The following FAM184A variants were observed in gnomAD, a reference collection of about 807,000 sequenced individuals.
The protein encoded by FAM184A is family with sequence similarity 184 member A.
In FAM184A, 99 loss-of-function variants were observed where a neutral mutation model predicts 143.8. The observed-to-expected ratio is 0.69, with a 90% CI of 0.58 to 0.81. The LOEUF (loss-of-function observed/expected upper bound fraction) is 0.81. Ranked by LOEUF, FAM184A falls within the 40% of genes least tolerant of loss-of-function variation. The probability of loss-of-function intolerance (pLI) is 0.00; values close to 1 mark genes in which losing one functional copy is unlikely to be tolerated. For missense variants in FAM184A, 1,217 were observed against 1,310.5 expected, an observed-to-expected ratio of 0.93 and a Z score of 1.10; for synonymous variants, 427 against 446.4, an observed-to-expected ratio of 0.96 and a Z score of 0.55.
intron 7 of FAM184A, 112 bp from the exon 8 acceptor site, chr6:119,003,734 C>A: frequency 9.5e-7 from 1 of 1,054,188 alleles, no homozygotes; most frequent in Non-Finnish European, 1.3e-6. Context: ...ATTCTTACAG[C>A]CCAATACTTG....
At chr6:119,081,485 T>A (rs1293092197), upstream of FAM184A, among the ~76,000 whole-genome samples, 7 of 152,276 alleles carry the variant, frequency 4.6e-5, no homozygotes, top group East Asian at 1.2e-3. Flanking sequence ...TGGGCATGTG[T>A]TACAGGGTGC....
At chr6:119,019,368 G>A (rs1785368842) in intron 4 of FAM184A, among the ~76,000 whole-genome samples, 1 of 152,178 alleles carries the variant, frequency 6.6e-6, no homozygotes, top group African/African-American at 2.4e-5. Context: ...TGGTCAGAGA[G>A]GACTGCACCA....
chr6:119,034,619 T>C (rs1170266177), intron 1 of FAM184A, among the ~76,000 whole-genome samples: 2 of 151,788 alleles, frequency 1.3e-5, no homozygotes, highest in East Asian at 3.9e-4. Flanking sequence ...TTTCATCATA[T>C]TAACATTTTT....
chr6:119,021,369 T>C (rs1198936674), intron 3 of FAM184A, among the ~76,000 whole-genome samples: 3 of 152,138 alleles, frequency 2.0e-5, no homozygotes, highest in Non-Finnish European at 4.4e-5. Flanking sequence ...CCAGTAATGG[T>C]TGTGAAAAAG....
chr6:119,098,349 G>A (rs1788561522), intron 1 of FAM184A, among the ~76,000 whole-genome samples: 1 of 152,074 alleles, frequency 6.6e-6, no homozygotes, highest in Non-Finnish European at 1.5e-5. Context: ...CTTTATCAGT[G>A]GTGTGAAACA....
intron 1 of FAM184A, among the ~76,000 whole-genome samples, chr6:119,140,684 G>C (rs1214997672): frequency 6.6e-6 from 1 of 152,202 alleles, no homozygotes; most frequent in African/African-American, 2.4e-5. Context: ...GGCACCAGCA[G>C]AACAGAGGCT....
At chr6:119,039,049 T>C (rs1195959053) in intron 1 of FAM184A, among the ~76,000 whole-genome samples, 1 of 152,210 alleles carries the variant, frequency 6.6e-6, no homozygotes, top group Non-Finnish European at 1.5e-5. Context: ...CAAATAAGTA[T>C]ATGAAAATAT....
At chr6:119,005,421 A>G (rs898869360) in intron 7 of FAM184A, 1 of 152,240 alleles carries the variant, frequency 6.6e-6, no homozygotes, top group African/African-American at 2.4e-5. Flanking sequence ...AAATTCACTA[A>G]AGTGTCCTTG....
intron 1 of FAM184A, among the ~76,000 whole-genome samples, chr6:119,056,555 T>C (rs1786983765): frequency 6.6e-6 from 1 of 152,252 alleles, no homozygotes; most frequent in Admixed American, 6.5e-5. Context: ...ATGGTTCTAA[T>C]GGTTCTAGCA....
intron 3 of FAM184A, among the ~76,000 whole-genome samples, chr6:119,020,494 G>A (rs1490186827): frequency 6.6e-6 from 1 of 152,030 alleles, no homozygotes; most frequent in South Asian, 2.1e-4. Context: ...TCCTCAGTAG[G>A]CTTCATAAGA....
intron 10 of FAM184A, among the ~76,000 whole-genome samples, 174 bp from the exon 11 acceptor site, chr6:118,979,692 A>G (rs1242541173): frequency 1.3e-5 from 2 of 152,206 alleles, no homozygotes; most frequent in African/African-American, 4.8e-5. Context: ...AATTAGGGTC[A>G]TTTCAGTAGA....
At chr6:119,067,839 G>T (rs574989162) in intron 1 of FAM184A, among the ~76,000 whole-genome samples, 2 of 152,214 alleles carry the variant, frequency 1.3e-5, no homozygotes, top group South Asian at 4.2e-4. Context: ...GGGCACAGTG[G>T]CTTGCACCTA....
chr6:119,115,781 G>A (rs866681022), intron 1 of FAM184A, among the ~76,000 whole-genome samples: 2 of 149,684 alleles, frequency 1.3e-5, no homozygotes, highest in African/African-American at 5.0e-5. Context: ...TGACCAACAT[G>A]GTGAAACCCC....
rs747629567 is a variant in FAM184A at position 119,006,582 on chromosome 6, C to T, written c.1680G>A (p.Arg560=). 2.5e-6 allele frequency: 4 copies of T among 1,612,972 alleles called. No homozygotes were observed. The South Asian group carries it at 4.4e-5, about 18-fold the overall frequency. The change falls in exon 7 of 18, where the codon AGG becomes AGA. Residue 560 remains arginine, a synonymous_variant. Transcript: ENST00000338891. ...CAGAGCCAAGACCTTGTTCACTTTT[C>T]CTTACCATATCTTGGAGGTGGCCAA... ...QEIGHLQDMV[R]KSEQGLGSAE...
chr6:119,012,178 T>C (rs1348678180), intron 5 of FAM184A, among the ~76,000 whole-genome samples: 1 of 152,184 alleles, frequency 6.6e-6, no homozygotes, highest in East Asian at 1.9e-4. Flanking sequence ...GGAAAAAGCA[T>C]GTGCTAAGGC....
intron 1 of FAM184A, among the ~76,000 whole-genome samples, chr6:119,107,777 CAAAAAAA>C (rs71556825): frequency 0.19 from 19,087 of 100,826 alleles, 1,663 homozygotes; most frequent in Non-Finnish European, 0.25. Context: ...GACTTTGTCT[CAAAAAAA>C]AAAAAAAAAA....
chr6:119,103,993 T>C (rs892758434), intron 1 of FAM184A, among the ~76,000 whole-genome samples: 4 of 151,870 alleles, frequency 2.6e-5, no homozygotes, highest in Non-Finnish European at 5.9e-5. Context: ...TATTGTGCCA[T>C]ATTTTGGAAA....
chr6:119,142,386 C>A (rs1019141513), intron 1 of FAM184A, among the ~76,000 whole-genome samples: 15 of 152,088 alleles, frequency 9.9e-5, no homozygotes, highest in African/African-American at 3.6e-4. Flanking sequence ...CTTCAGAGAC[C>A]AAAGGCCACA....
Position 119,024,722 on chromosome 6 carries a change from A to T in FAM184A, c.251T>A (p.Leu84His). The T allele has an allele frequency of 6.2e-7, 1 of 1,613,838 alleles. No individual in the cohort carries two copies. The highest frequency in any genetic ancestry group is 8.5e-7 in the Non-Finnish European group (1 of 1,179,990). ...CAATATTTTTTCTCTTGTTTCAGCAAGAATTTGTTGAATTTCTTCTTCATG... is the reference window on the plus strand; with the variant it reads ...CAATATTTTTTCTCTTGTTTCAGCATGAATTTGTTGAATTTCTTCTTCATG... Reference protein sequence around the residue: ...DAHEEEIQQILAETREKILQY... With the variant: ...DAHEEEIQQIHAETREKILQY... Residue 84 changes from leucine to histidine, a missense_variant, in exon 2 of 18, where the codon CTT becomes CAT. Coordinates refer to ENST00000338891, the MANE Select transcript of FAM184A (RefSeq NM_024581.6).
Sources: allele counts gnomAD v4.1 joint callset (sites outside exome capture counted in the v4.1 genomes callset), GRCh38; gene constraint gnomAD v4.1.1; transcripts MANE v1.5; gene names NCBI Gene and HGNC (gene_info 2026-07-23, HGNC 2026-07-21).